The following EIF2AK4 variants were observed in gnomAD, a reference collection of about 807,000 sequenced individuals.
EIF2AK4 encodes eIF-2-alpha kinase GCN2.
A neutral mutation model predicts 211.1 loss-of-function variants in EIF2AK4; 139 were observed. The ratio of observed to expected loss-of-function variants is 0.66; its 90% CI spans 0.57 to 0.76. EIF2AK4 has a LOEUF of 0.76. Ranked by LOEUF, EIF2AK4 falls within the 30% of genes least tolerant of loss-of-function variation. The probability of loss-of-function intolerance (pLI) is 0.00; values close to 1 mark genes in which losing one functional copy is unlikely to be tolerated. For synonymous variants in EIF2AK4, 710 were observed against 751.3 expected (o/e 0.94, Z 0.90); for missense variants, 1,664 against 2,043.8 (o/e 0.81, Z 3.58).
Position 39,943,414 on chromosome 15 carries a change from G to A in EIF2AK4, c.289G>A (p.Gly97Ser). 6 of 1,540,010 alleles carry A rather than the reference G, an allele frequency of 3.9e-6. No homozygotes were observed. Among genetic ancestry groups the A allele is most frequent in the Non-Finnish European group, 5.2e-6 (6 of 1,150,006 alleles). The change falls in exon 3 of 39, where the codon GGT becomes AGT. Residue 97 changes from glycine to serine, a missense_variant. This residue lies in a region of EIF2AK4 where 641 missense variants were observed against 729.6 expected (regional missense o/e 0.88). Coordinates refer to ENST00000263791, the MANE Select transcript of EIF2AK4 (RefSeq NM_001013703.4). ...VPEIELKNAK[G>S]LSNESVNLLK... ...TGAAATAGAGTTAAAAAATGCCAAA[G>A]GTCTATCAAATGAAAGTGTCAATTT...
At chr15:40,019,033 T>G (rs2035347547) in intron 29 of EIF2AK4, 60 bp from the exon 30 acceptor site, 1 of 1,264,450 alleles carries the variant, frequency 7.9e-7, no homozygotes, top group African/African-American at 1.5e-5. Context: ...ATCATTGTTT[T>G]CCCCGTAATC....
intron 3 of EIF2AK4, among the ~76,000 whole-genome samples, chr15:39,944,570 T>C (rs1325073729): frequency 6.6e-6 from 1 of 151,910 alleles, no homozygotes; most frequent in East Asian, 1.9e-4. Context: ...TAGCTGGGAC[T>C]ACAGGCACCC....
chr15:40,000,995 T>C lies in EIF2AK4; in HGVS notation c.2930T>C (p.Val977Ala). 6.2e-7 allele frequency: 1 copy of C among 1,614,156 alleles called. No homozygotes were observed. The highest frequency in any genetic ancestry group is 8.5e-7 in the Non-Finnish European group (1 of 1,180,016). ...DDGEHAKQKS[V>A]ISWLLNHDPA... The stretch of plus-strand genomic sequence containing the variant: ...GCCTGGGTTTTATTGTAGAAATCAG[T>C]CATCTCCTGGCTGTTGAACCACGAT... The change falls in exon 21 of 39, where the codon GTC (valine) becomes GCC (alanine). Residue 977 changes from valine to alanine, a missense_variant. Val to Ala is a moderately conservative substitution (Grantham distance 64). Transcript: ENST00000263791.
intron 28 of EIF2AK4, 98 bp downstream of exon 28, chr15:40,016,770 T>C (rs1159318705): frequency 7.0e-6 from 10 of 1,437,074 alleles, no homozygotes; most frequent in Non-Finnish European, 9.4e-6. Context: ...GTTAGTGTTT[T>C]ATTTTTCCAG....
chr15:39,998,941 T>C (rs2035057864), intron 20 of EIF2AK4, among the ~76,000 whole-genome samples, 157 bp downstream of exon 20: 2 of 152,204 alleles, frequency 1.3e-5, no homozygotes, highest in Admixed American at 1.3e-4. Flanking sequence ...TAAAATGTCA[T>C]TAGACTTGAA....
At chr15:39,998,614 T>G in intron 19 of EIF2AK4, 117 bp from the exon 20 acceptor site, 1 of 730,572 alleles carries the variant, frequency 1.4e-6, no homozygotes, top group Non-Finnish European at 2.3e-6. Context: ...AGGTATCACC[T>G]ATCTTTTCTT....
At chr15:39,995,469 C>G (rs1416195769) in intron 18 of EIF2AK4, among the ~76,000 whole-genome samples, 2 of 152,218 alleles carry the variant, frequency 1.3e-5, no homozygotes, top group African/African-American at 4.8e-5. Flanking sequence ...TCCTCGGCAG[C>G]TGTGTCATGC....
intron 3 of EIF2AK4, among the ~76,000 whole-genome samples, chr15:39,945,726 A>T (rs1338046033): frequency 6.6e-6 from 1 of 152,234 alleles, no homozygotes; most frequent in Non-Finnish European, 1.5e-5. Context: ...TCAAAGCCTT[A>T]TGAAAGGACA....
intron 7 of EIF2AK4, 57 bp downstream of exon 7, chr15:39,961,956 A>C: frequency 1.1e-5 from 14 of 1,313,590 alleles, no homozygotes; most frequent in Non-Finnish European, 1.5e-5. Context: ...TTAATCACAA[A>C]GGAATGGGAT....
chr15:39,968,873 G>GATATATATATATAT lies in EIF2AK4; in HGVS notation c.1553+1000_1553+1013dup, dbSNP rs376138307. On this transcript the variant is annotated intron_variant, in intron 9 of 38. Transcript: ENST00000263791. ...GATTGTTTTTGTGTAAAGTGAATAT[G>GATATATATATATAT]ATATATATATATATATATACACACA... Among the ~76,000 whole-genome samples, 209 of 147,182 alleles carry GATATATATATATAT rather than the reference G, an allele frequency of 1.4e-3. 2 individuals are homozygous for GATATATATATATAT. Among genetic ancestry groups the GATATATATATATAT allele is most frequent in the East Asian group, 5.2e-3 (26 of 5,026 alleles).
intron 18 of EIF2AK4, among the ~76,000 whole-genome samples, chr15:39,996,226 G>C (rs1050064712): frequency 2.6e-5 from 4 of 152,188 alleles, no homozygotes; most frequent in African/African-American, 9.7e-5. Flanking sequence ...CTGTAGTCAG[G>C]AGCTGGCCTT....
At position 39,976,598 on chromosome 15, in the gene EIF2AK4, C is replaced by T. The variant is rs1595404027; in HGVS notation, c.2003C>T (p.Pro668Leu). 3.7e-6 allele frequency: 6 copies of T among 1,608,992 alleles called. No individual in the cohort carries two copies. In the East Asian group the frequency reaches 1.1e-4, roughly 30 times the overall value. Reference sequence around the variant, plus strand: ...GAGCGGCCGGCGGGACCGGGGACGCCGCCCCCGGACTCCGGGCCCCTGGCC... The same window carrying T: ...GAGCGGCCGGCGGGACCGGGGACGCTGCCCCCGGACTCCGGGCCCCTGGCC... The part of the protein sequence containing the change: ...RHERPAGPGT[P>L]PPDSGPLAKD... Residue 668 changes from proline (P) to leucine (L), a missense_variant, in exon 12 of 39, where the codon CCG (proline) becomes CTG (leucine). By Grantham distance (98) the Pro-to-Leu change is moderately conservative. Transcript: ENST00000263791.
At chr15:40,034,259 G>T in intron 37 of EIF2AK4, 67 bp from the exon 38 acceptor site, 2 of 1,213,498 alleles carry the variant, frequency 1.6e-6, no homozygotes, top group South Asian at 2.6e-5. Context: ...TTTCATTAGT[G>T]ACCCAGAAAA....
Position 40,034,518 on chromosome 15 carries a change from TTTGTTGTC to T in EIF2AK4, c.4892+81_4892+88del. ...GCGGGGGGTTTCAGAGTGACATTAT[TTTGTTGTC>T]TTGTTGAGGTTTGACGCCTGGTAAG... is the stretch of plus-strand genomic sequence containing the variant. On this transcript the variant is annotated intron_variant, in intron 38 of 38. Transcript: ENST00000263791. 3.3e-6 allele frequency: 4 copies of T among 1,198,196 alleles called. No individual in the cohort carries two copies. In the South Asian group the frequency reaches 5.2e-5, roughly 15 times the overall value. The allele number at this position is 1,198,196 out of a possible 1,614,324, so 74.2% of individuals were successfully genotyped here.
intron 23 of EIF2AK4, among the ~76,000 whole-genome samples, chr15:40,003,938 C>T (rs1194378520): frequency 6.6e-6 from 1 of 152,204 alleles, no homozygotes; most frequent in Admixed American, 6.5e-5. Context: ...AAAGCACTGA[C>T]AAGTGGAGAC....
intron 27 of EIF2AK4, among the ~76,000 whole-genome samples, chr15:40,011,713 A>G (rs1334294897): frequency 6.6e-6 from 1 of 152,220 alleles, no homozygotes; most frequent in Non-Finnish European, 1.5e-5. Flanking sequence ...GACTAGAAGG[A>G]GGCACAGAAT....
At chr15:39,968,116 C>G (rs750703925) in intron 9 of EIF2AK4, among the ~76,000 whole-genome samples, 20 of 152,280 alleles carry the variant, frequency 1.3e-4, no homozygotes, top group Middle Eastern at 6.8e-3. Flanking sequence ...TTTTCAAACT[C>G]CTTTTGGGGG....
intron 5 of EIF2AK4, 128 bp downstream of exon 5, chr15:39,954,112 C>G (rs2034357865): frequency 5.9e-6 from 5 of 850,832 alleles, no homozygotes; most frequent in Non-Finnish European, 5.0e-6. Flanking sequence ...AATAAATATT[C>G]ACTGTGTATT....
At chr15:40,008,460 A>C (rs2035192001) in intron 25 of EIF2AK4, among the ~76,000 whole-genome samples, 1 of 152,134 alleles carries the variant, frequency 6.6e-6, no homozygotes, top group African/African-American at 2.4e-5. Flanking sequence ...AAGATTCCTA[A>C]GATGCTCTTA....
Sources: allele counts gnomAD v4.1 joint callset (sites outside exome capture counted in the v4.1 genomes callset), GRCh38; gene constraint gnomAD v4.1.1; regional missense constraint gnomAD v4.1.1; transcripts MANE v1.5; gene names NCBI Gene and HGNC (gene_info 2026-07-23, HGNC 2026-07-21).